IRAG1: variants seen among roughly 807,000 people sequenced by gnomAD.
IRAG1 encodes the protein inositol 1,4,5-triphosphate receptor associated 1, also known as IP3R-associated cGMP kinase substrate.
A neutral mutation model predicts 106.2 loss-of-function variants in IRAG1; 62 were observed. The ratio of observed to expected loss-of-function variants is 0.58; its 90% CI spans 0.48 to 0.72. IRAG1 has a LOEUF of 0.72. IRAG1 is among the 30% of genes least tolerant of loss of function. The pLI is 0.00. For missense variants in IRAG1, 1,064 were observed against 1,140.7 expected (o/e 0.93, Z 0.97); for synonymous variants, 462 against 443.9 (o/e 1.04, Z -0.51).
At chr11:10,643,421 T>C (rs779874697) in intron 2 of IRAG1, among the ~76,000 whole-genome samples, 1 of 152,188 alleles carries the variant, frequency 6.6e-6, no homozygotes, top group Non-Finnish European at 1.5e-5. Context: ...TCCTCTTTCC[T>C]GCCATTGTCC....
chr11:10,586,181 G>T (rs902137236), intron 18 of IRAG1: 3 of 152,054 alleles, frequency 2.0e-5, no homozygotes, highest in Non-Finnish European at 2.9e-5. Context: ...GGGTGGGTAG[G>T]GGGGAGTGGA....
chr11:10,646,183 C>T (rs1169526185), intron 2 of IRAG1, among the ~76,000 whole-genome samples: 2 of 152,204 alleles, frequency 1.3e-5, no homozygotes, highest in African/African-American at 2.4e-5. Context: ...TGGCTCTGAG[C>T]CCAGCCCACT....
chr11:10,639,338 T>C (rs575976835), intron 2 of IRAG1, among the ~76,000 whole-genome samples: 1 of 152,342 alleles, frequency 6.6e-6, no homozygotes, highest in South Asian at 2.1e-4. Context: ...GATGGATGAT[T>C]TGACAAACAT....
chr11:10,624,882 A>G (rs1856117060), intron 9 of IRAG1, among the ~76,000 whole-genome samples: 1 of 151,498 alleles, frequency 6.6e-6, no homozygotes, highest in Non-Finnish European at 1.5e-5. Context: ...GAGGCCCATG[A>G]AGGCAAATCC....
chr11:10,613,455 T>G (rs145499549), intron 10 of IRAG1, among the ~76,000 whole-genome samples: 34 of 152,244 alleles, frequency 2.2e-4, no homozygotes, highest in African/African-American at 7.9e-4. Context: ...AATTTTCAAA[T>G]GTGATAGAAC....
At chr11:10,688,395 G>A (rs1403834695) in intron 1 of IRAG1, among the ~76,000 whole-genome samples, 1 of 152,156 alleles carries the variant, frequency 6.6e-6, no homozygotes, top group African/African-American at 2.4e-5. Flanking sequence ...ACCTGTATGA[G>A]CAAAGTCAAG....
chr11:10,601,086 T>G, intron 14 of IRAG1, 27 bp from the exon 15 acceptor site: 1 of 1,612,444 alleles, frequency 6.2e-7, no homozygotes, highest in Non-Finnish European at 8.5e-7. Context: ...CATGAGTGCA[T>G]GAGGCCATTG....
rs1850724011 is a variant in IRAG1 at position 10,574,491 on chromosome 11, C to CAAA, written c.*1840_*1841insTTT. 6.6e-6 allele frequency: 1 copy of CAAA among 151,880 alleles called. No homozygotes were observed. The allele number at this position is 151,880 out of a possible 1,614,324, so 9.4% of individuals were successfully genotyped here. A position where few individuals can be genotyped will look rare whatever the true frequency, so the allele number is the denominator to read the frequency against. ...GCCATGGTATACTATAGGTAAAGGT[C>CAAA]AATAATAATAATGTTTAAAACGTGC... On this transcript the variant is annotated 3_prime_UTR_variant, in exon 21 of 21. Transcript: ENST00000423302.
In IRAG1 at chr11:10,576,195, G is replaced by A. The variant is rs137913719; in HGVS notation, c.*137C>T. ...TATGAATAGCTCCCACAGAAGTGCC[G>A]AGTGTTAAAAGAACCCTTCCTCATG... is the stretch of plus-strand genomic sequence containing the variant. On this transcript the variant is annotated 3_prime_UTR_variant, in exon 21 of 21. Transcript: ENST00000423302. 2.6e-4 allele frequency: 291 copies of A among 1,109,534 alleles called. 3 individuals carry two copies. The East Asian group carries it at 5.9e-3, about 22-fold the overall frequency. The allele number at this position is 1,109,534 out of a possible 1,614,324, so 68.7% of individuals were successfully genotyped here.
At chr11:10,632,190 CTT>C (rs35138815) in intron 3 of IRAG1, 129 bp from the exon 4 acceptor site, 52,955 of 546,758 alleles carry the variant, frequency 0.097, 102 homozygotes, top group East Asian at 0.15. Context: ...TTCTTTCTTT[CTT>C]TTTTTTTTTT....
intron 1 of IRAG1, among the ~76,000 whole-genome samples, chr11:10,664,145 G>A (rs749971992): frequency 1.1e-4 from 17 of 152,176 alleles, no homozygotes; most frequent in Non-Finnish European, 2.2e-4. Flanking sequence ...AACAGCAGCC[G>A]AGACGCAGCC....
intron 3 of IRAG1, among the ~76,000 whole-genome samples, chr11:10,633,363 CTG>C (rs1348964172): frequency 9.9e-5 from 15 of 152,204 alleles, no homozygotes; most frequent in Admixed American, 2.6e-4. Context: ...GCATGAGCCA[CTG>C]CGCCCGGCCG....
At chr11:10,635,725 A>G (rs1564921062) in intron 2 of IRAG1, among the ~76,000 whole-genome samples, 1 of 152,060 alleles carries the variant, frequency 6.6e-6, no homozygotes, top group Non-Finnish European at 1.5e-5. Flanking sequence ...TCCCATTTTC[A>G]TTTTCATCTC....
At chr11:10,642,366 A>G (rs1329068412) in intron 2 of IRAG1, among the ~76,000 whole-genome samples, 1 of 152,272 alleles carries the variant, frequency 6.6e-6, no homozygotes, top group Non-Finnish European at 1.5e-5. Flanking sequence ...AATATAGGCC[A>G]GTGTCATAGA....
Position 10,652,088 on chromosome 11 carries a change from G to T in IRAG1, c.162C>A (p.Pro54=), listed in dbSNP as rs1334869965. ...RGHSQQEAAM[P]HIPEDEEPPG... ...GGGGCTCCTCGTCCTCGGGAATGTG[G>T]GGCATGGCAGCCTCCTGCTGGGAGT... Residue 54 remains proline, a synonymous_variant, in exon 2 of 21, where the codon CCC becomes CCA. Transcript: ENST00000423302. 6.2e-7 allele frequency: 1 copy of T among 1,605,662 alleles called. No individual in the cohort carries two copies. The highest frequency in any genetic ancestry group is 1.3e-5 in the African/African-American group (1 of 74,794).
At chr11:10,597,814 CTTCAGTGAGGCT>C (rs1397626714) in intron 15 of IRAG1, among the ~76,000 whole-genome samples, 1 of 152,204 alleles carries the variant, frequency 6.6e-6, no homozygotes, top group Non-Finnish European at 1.5e-5. Flanking sequence ...GTGAAGTCAT[CTTCAGTGAGGCT>C]TTATTAGAGG....
intron 1 of IRAG1, 42 bp from the exon 2 acceptor site, chr11:10,652,224 C>A: frequency 6.2e-7 from 1 of 1,606,506 alleles, no homozygotes; most frequent in South Asian, 1.1e-5. Context: ...CATTCCCATC[C>A]CTGTCCCAAG....
chr11:10,602,511 C>T (rs1288343987), intron 14 of IRAG1, among the ~76,000 whole-genome samples: 7 of 152,180 alleles, frequency 4.6e-5, no homozygotes, highest in South Asian at 2.1e-4. Flanking sequence ...GGGGCCGGGG[C>T]GGGGCTCTGT....
At chr11:10,693,416 C>A in intron 1 of IRAG1, 120 bp downstream of exon 1, 1 of 1,462,638 alleles carries the variant, frequency 6.8e-7, no homozygotes, top group Non-Finnish European at 9.0e-7. Context: ...AAAGCCAGCT[C>A]CCCTGGAAAG....
Sources: allele counts gnomAD v4.1 joint callset (sites outside exome capture counted in the v4.1 genomes callset), GRCh38; gene constraint gnomAD v4.1.1; transcripts MANE v1.5; gene names NCBI Gene and HGNC (gene_info 2026-07-23, HGNC 2026-07-21).